Variants in USP30 observed in about 807,000 individuals in gnomAD.
The protein encoded by USP30 is ubiquitin specific peptidase 30.
In USP30, 41 loss-of-function variants were observed where a neutral mutation model predicts 68.2. The observed-to-expected ratio is 0.60, with a 90% CI of 0.47 to 0.78. USP30 has a LOEUF of 0.78. USP30 is among the 30% of genes least tolerant of loss of function. The pLI is 0.00. For synonymous variants in USP30, 229 were observed against 253.7 expected, an observed-to-expected ratio of 0.90 and a Z score of 0.93; for missense variants, 522 against 649.4, an observed-to-expected ratio of 0.80 and a Z score of 2.13.
At chr12:109,053,886 C>T (rs2040754846) in intron 1 of USP30, 1 of 379,162 alleles carries the variant, frequency 2.6e-6, no homozygotes, top group Non-Finnish European at 5.2e-6. Context: ...CCATCTTGAA[C>T]TTCGTGGTTT....
intron 9 of USP30, 114 bp from the exon 10 acceptor site, chr12:109,082,549 G>A: frequency 1.1e-6 from 1 of 940,632 alleles, no homozygotes; most frequent in East Asian, 2.6e-5. Context: ...GTTCATTTCA[G>A]CAGGTAGCAG....
At chr12:109,066,031 C>T (rs1593263437) in intron 3 of USP30, among the ~76,000 whole-genome samples, 1 of 151,822 alleles carries the variant, frequency 6.6e-6, no homozygotes, top group African/African-American at 2.4e-5. Context: ...GTGGGCAGAT[C>T]ACTTCACCCC....
intron 3 of USP30, among the ~76,000 whole-genome samples, chr12:109,046,389 G>A (rs907026679): frequency 2.0e-5 from 3 of 150,458 alleles, no homozygotes; most frequent in East Asian, 2.0e-4. Flanking sequence ...CTGGGATTAC[G>A]GGCGTGAGCC....
intron 3 of USP30, among the ~76,000 whole-genome samples, chr12:109,029,838 C>T (rs565353893): frequency 2.0e-5 from 3 of 152,120 alleles, no homozygotes; most frequent in South Asian, 2.1e-4. Flanking sequence ...TGGGTAGGGC[C>T]GGTTCCTAGA....
At chr12:109,071,979 G>T (rs1283912290) in intron 5 of USP30, among the ~76,000 whole-genome samples, 1 of 152,154 alleles carries the variant, frequency 6.6e-6, no homozygotes. Context: ...TTTAATACAG[G>T]GGAACAGGGG....
chr12:109,080,784 A>G (rs963539981), intron 7 of USP30, among the ~76,000 whole-genome samples: 3 of 152,226 alleles, frequency 2.0e-5, no homozygotes, highest in African/African-American at 4.8e-5. Flanking sequence ...TAGATACACA[A>G]GTACTGCCCA....
Position 109,086,139 on chromosome 12 carries a change from T to A in USP30, c.*208T>A, listed in dbSNP as rs542806627. On this transcript the variant is annotated 3_prime_UTR_variant, in exon 13 of 13. Transcript: ENST00000257548. ...TCCTGTTCATGTGTGTAGGTGGTTC[T>A]GTTGTGTTAAGAAAGCATTCATTAT... 52 of 626,136 alleles carry A rather than the reference T, an allele frequency of 8.3e-5. No homozygotes were observed. The South Asian group carries it at 1.1e-3, about 13-fold the overall frequency. 38.8% of individuals were successfully genotyped at this position (626,136 alleles called of 1,614,324 possible).
At chr12:109,080,346 A>G (rs1487990590) in intron 7 of USP30, among the ~76,000 whole-genome samples, 1 of 152,196 alleles carries the variant, frequency 6.6e-6, no homozygotes, top group Non-Finnish European at 1.5e-5. Flanking sequence ...AATCTCGCCC[A>G]CAGAGTTCTG....
chr12:109,079,339 C>CTTTT (rs750712233), intron 7 of USP30, among the ~76,000 whole-genome samples: 153 of 62,230 alleles, frequency 2.5e-3, no homozygotes, highest in Middle Eastern at 0.012. Flanking sequence ...TTTTCTTTTT[C>CTTTT]TTTTTTTTTT....
At chr12:109,063,501 A>G (rs1406947493) in intron 3 of USP30, among the ~76,000 whole-genome samples, 1 of 152,214 alleles carries the variant, frequency 6.6e-6, no homozygotes, top group East Asian at 1.9e-4. Flanking sequence ...GCTATCATGA[A>G]TAATGTTGCT....
chr12:109,047,145 A>T (rs2040612324), intron 3 of USP30, among the ~76,000 whole-genome samples: 1 of 150,150 alleles, frequency 6.7e-6, no homozygotes, highest in Non-Finnish European at 1.5e-5. Flanking sequence ...CAACGGGTTT[A>T]GTGTGAACAA....
chr12:109,045,597 C>T (rs969693279), intron 3 of USP30, among the ~76,000 whole-genome samples: 10 of 152,158 alleles, frequency 6.6e-5, no homozygotes, highest in Non-Finnish European at 1.3e-4. Flanking sequence ...TTCACTTCTC[C>T]GGGCTTTAGC....
intron 8 of USP30, 43 bp downstream of exon 8, chr12:109,081,436 C>G: frequency 6.2e-7 from 1 of 1,602,342 alleles, no homozygotes; most frequent in Non-Finnish European, 8.5e-7. Context: ...GTTTCAGAAA[C>G]ATTTCAATCT....
intron 3 of USP30, among the ~76,000 whole-genome samples, chr12:109,058,543 G>C (rs1435456254): frequency 6.8e-6 from 1 of 147,336 alleles, no homozygotes; most frequent in Non-Finnish European, 1.5e-5. Context: ...TTGCAGTCCA[G>C]CCTGAGCAAC....
At chr12:109,044,704 T>A (rs1212049176) in intron 3 of USP30, among the ~76,000 whole-genome samples, 1 of 150,914 alleles carries the variant, frequency 6.6e-6, no homozygotes, top group African/African-American at 2.4e-5. Context: ...TTTGCCACAA[T>A]AAAAAAAAAT....
At chr12:109,063,804 C>T (rs1278315865) in intron 3 of USP30, among the ~76,000 whole-genome samples, 1 of 150,646 alleles carries the variant, frequency 6.6e-6, no homozygotes, top group African/African-American at 2.4e-5. Context: ...TTTTCATTTG[C>T]TTATTGGCCA....
Position 109,055,402 on chromosome 12 carries a change from T to TA in USP30, c.84-1280_84-1279insA, listed in dbSNP as rs2040835909. Reference sequence around the variant, plus strand: ...TACATATATATATATATATATATATTTTTTTTTTTTTTTTTTTTGAGGCAG... The same window carrying TA: ...TACATATATATATATATATATATATTATTTTTTTTTTTTTTTTTTGAGGCAG... On this transcript the variant is annotated intron_variant, in intron 1 of 12. Coordinates refer to ENST00000257548, the MANE Select transcript of USP30 (RefSeq NM_032663.5). Among the ~76,000 whole-genome samples the TA allele has an allele frequency of 5.5e-3, 141 of 25,782 alleles. 3 individuals are homozygous for TA. The highest frequency in any genetic ancestry group is 0.044 in the South Asian group (29 of 662). 16.9% of individuals were successfully genotyped at this position (25,782 alleles called of 152,430 possible).
chr12:109,075,167 A>G (rs974276597), intron 7 of USP30, among the ~76,000 whole-genome samples: 3 of 152,230 alleles, frequency 2.0e-5, no homozygotes, highest in African/African-American at 7.2e-5. Context: ...ATTGTTTTGC[A>G]GATGTATCTT....
intron 3 of USP30, among the ~76,000 whole-genome samples, chr12:109,045,644 C>T (rs1430567560): frequency 6.6e-6 from 1 of 152,102 alleles, no homozygotes; most frequent in Non-Finnish European, 1.5e-5. Flanking sequence ...ATAGAACCCA[C>T]TAGGAGGGGC....
Sources: allele counts gnomAD v4.1 joint callset (sites outside exome capture counted in the v4.1 genomes callset), GRCh38; gene constraint gnomAD v4.1.1; transcripts MANE v1.5; gene names NCBI Gene and HGNC (gene_info 2026-07-23, HGNC 2026-07-21).